TBXAS1: variants seen among roughly 807,000 people sequenced by gnomAD.
TBXAS1 encodes the protein thromboxane-A synthase.
TBXAS1 carries 48 observed loss-of-function variants against 60.7 expected under a neutral mutation model. That is an observed-to-expected ratio of 0.79 (90% CI 0.63 to 1.01). The LOEUF (loss-of-function observed/expected upper bound fraction) is 1.01, where lower values mean the gene tolerates loss of function less well. Ranked by LOEUF, TBXAS1 falls within the 50% of genes least tolerant of loss-of-function variation. The pLI, the probability that TBXAS1 is intolerant of heterozygous loss-of-function variation, is 0.00. For missense variants in TBXAS1, 685 were observed against 686.3 expected, an observed-to-expected ratio of 1.00 and a Z score of 0.02; for synonymous variants, 287 against 269.7, an observed-to-expected ratio of 1.06 and a Z score of -0.63.
intron 11 of TBXAS1, chr7:140,016,909 C>T (rs1204605473): frequency 6.6e-6 from 1 of 152,508 alleles, no homozygotes; most frequent in Non-Finnish European, 1.5e-5. Context: ...GTCAGCAGCT[C>T]CTGAACGTGC....
intron 4 of TBXAS1, among the ~76,000 whole-genome samples, chr7:139,823,249 G>A: frequency 6.6e-6 from 1 of 151,964 alleles, no homozygotes; most frequent in East Asian, 1.9e-4. Context: ...ACGGAACTTA[G>A]GTGATTATAT....
At chr7:139,849,752 G>A (rs566453482) in intron 1 of TBXAS1, among the ~76,000 whole-genome samples, 3 of 152,334 alleles carry the variant, frequency 2.0e-5, no homozygotes, top group South Asian at 4.1e-4. Context: ...GGGGAGGCAT[G>A]TCTGAAGTTC....
At chr7:140,008,731 G>A (rs963179187) in intron 10 of TBXAS1, among the ~76,000 whole-genome samples, 2 of 152,180 alleles carry the variant, frequency 1.3e-5, no homozygotes, top group East Asian at 3.8e-4. Context: ...TTACAGGCGT[G>A]AGCCACCAAT....
At position 139,984,632 on chromosome 7, in the gene TBXAS1, GAGAGAGAGAGAA is replaced by G. The variant is rs1164202813; in HGVS notation, c.1134+22403_1134+22414del. 2.9e-4 allele frequency among the ~76,000 whole-genome samples: 14 copies of G among 48,776 alleles called. 1 individual carries two copies. Among genetic ancestry groups the G allele is most frequent in the East Asian group, 1.1e-3 (1 of 902 alleles). 32.0% of individuals were successfully genotyped at this position (48,776 alleles called of 152,430 possible). A position where few individuals can be genotyped will look rare whatever the true frequency, so the allele number is the denominator to read the frequency against. ...AGAAAGAAAGAGAGAGAGAGAGAGA[GAGAGAGAGAGAA>G]AGAAAGAAAGGGAAGGGGGAAAGAA... is the stretch of plus-strand genomic sequence containing the variant. On this transcript the variant is annotated intron_variant, in intron 9 of 12. Transcript: ENST00000448866.
intron 11 of TBXAS1, chr7:140,016,462 T>C (rs1274361249): frequency 7.4e-6 from 2 of 269,562 alleles, no homozygotes; most frequent in Admixed American, 5.1e-5. Context: ...TTTCAAATGA[T>C]TGTCTTCCAT....
intron 1 of TBXAS1, among the ~76,000 whole-genome samples, chr7:139,862,857 T>C (rs750481768): frequency 6.6e-6 from 1 of 152,236 alleles, no homozygotes; most frequent in African/African-American, 2.4e-5. Context: ...CCTGCCTTTG[T>C]TCTCAGCATA....
intron 3 of TBXAS1, among the ~76,000 whole-genome samples, chr7:139,897,530 T>G (rs1804207482): frequency 6.6e-6 from 1 of 152,048 alleles, no homozygotes; most frequent in Non-Finnish European, 1.5e-5. Context: ...TAAGTGGAGT[T>G]GGGGCCCACA....
intron 4 of TBXAS1, among the ~76,000 whole-genome samples, chr7:139,790,931 T>C (rs1285645131): frequency 6.6e-6 from 1 of 152,100 alleles, no homozygotes; most frequent in Non-Finnish European, 1.5e-5. Flanking sequence ...GCCTCCTGAG[T>C]AGCTGGGACT....
intron 9 of TBXAS1, among the ~76,000 whole-genome samples, chr7:139,984,051 G>A (rs1812153378): frequency 6.6e-6 from 1 of 152,190 alleles, no homozygotes; most frequent in Non-Finnish European, 1.5e-5. Context: ...CTGTGATGAA[G>A]TAGGATGAAG....
At chr7:139,957,804 GA>G (rs1379683981) in intron 8 of TBXAS1, 40 bp downstream of exon 8, 2 of 1,613,156 alleles carry the variant, frequency 1.2e-6, no homozygotes, top group African/African-American at 1.3e-5. Flanking sequence ...AAATGGAATG[GA>G]GCCGACTTTG....
upstream of TBXAS1, among the ~76,000 whole-genome samples, chr7:139,825,270 A>G (rs1798409077): frequency 6.6e-6 from 1 of 152,144 alleles, no homozygotes; most frequent in Non-Finnish European, 1.5e-5. Context: ...ACAGGTACCA[A>G]AATTGTAATA....
intron 10 of TBXAS1, 112 bp from the exon 11 acceptor site, chr7:140,015,611 A>T: frequency 7.8e-7 from 1 of 1,280,406 alleles, no homozygotes; most frequent in Non-Finnish European, 1.1e-6. Flanking sequence ...TCCACACACC[A>T]TGCTGCCTGC....
Position 140,008,174 on chromosome 7 carries a change from C to T in TBXAS1, c.1226+992C>T, listed in dbSNP as rs534237537. Among the ~76,000 whole-genome samples, 51 of 152,298 alleles carry T rather than the reference C, an allele frequency of 3.3e-4. 1 individual carries two copies. The highest frequency in any genetic ancestry group is 8.9e-4 in the African/African-American group (37 of 41,552). ...TGGATGATTTGAGGGTATCTCAAAA[C>T]GATATTTCAACACAAAAGCATTACA... On this transcript the variant is annotated intron_variant, in intron 10 of 12. Coordinates refer to ENST00000448866, the MANE Select transcript of TBXAS1 (RefSeq NM_001061.7).
intron 7 of TBXAS1, 148 bp downstream of exon 7, chr7:139,955,755 C>A: frequency 1.7e-6 from 2 of 1,194,002 alleles, no homozygotes; most frequent in Non-Finnish European, 2.4e-6. Flanking sequence ...TCTTATGGAG[C>A]CACCGGGTTC....
In TBXAS1 at chr7:140,007,093, G is replaced by A. The variant is rs536936578; in HGVS notation, c.1137G>A (p.Met379Ile). The A allele has an allele frequency of 6.2e-7, 1 of 1,614,076 alleles. No individual in the cohort carries two copies. Among genetic ancestry groups the A allele is most frequent in the East Asian group, 2.2e-5 (1 of 44,884 alleles). ...CTTTGTCACGACCCCTCCATCAGAT[G>A]GCCCCTGAGTTCTGCAGCCTCGAGG... ...REVDVFKEKH[M>I]APEFCSLEEG... Residue 379 changes from methionine (M) to isoleucine (I), a missense_variant and splice_region_variant, in exon 10 of 13, where the codon ATG (methionine) becomes ATA (isoleucine). Transcript: ENST00000448866.
intron 9 of TBXAS1, among the ~76,000 whole-genome samples, chr7:139,984,068 G>A (rs1033132656): frequency 6.6e-6 from 1 of 152,206 alleles, no homozygotes; most frequent in African/African-American, 2.4e-5. Flanking sequence ...GAAGATGGCT[G>A]AGGGTATGGA....
Position 139,855,163 on chromosome 7 carries a change from C to T in TBXAS1, c.90-17072C>T, listed in dbSNP as rs1386816597. Among the ~76,000 whole-genome samples the T allele has an allele frequency of 3.9e-5, 6 of 152,160 alleles. No individual in the cohort carries two copies. In the East Asian group the frequency reaches 7.7e-4, roughly 20 times the overall value. ...AGAAGGCCCTCACCAGATGCAACTC[C>T]TTAACCTTGGACTTCTCAGCTTCCA... On this transcript the variant is annotated intron_variant, in intron 1 of 12. Coordinates refer to ENST00000448866, the MANE Select transcript of TBXAS1 (RefSeq NM_001061.7).
intron 4 of TBXAS1, among the ~76,000 whole-genome samples, chr7:139,812,124 G>A (rs1337570728): frequency 6.6e-6 from 1 of 152,208 alleles, no homozygotes; most frequent in African/African-American, 2.4e-5. Context: ...TCCTTGAAAA[G>A]CAGCAGTATA....
intron 4 of TBXAS1, among the ~76,000 whole-genome samples, chr7:139,823,413 T>G (rs1217606296): frequency 6.6e-6 from 1 of 151,954 alleles, no homozygotes; most frequent in Non-Finnish European, 1.5e-5. Flanking sequence ...CCTAACCTGA[T>G]CTCCCGCTCT....
Sources: allele counts gnomAD v4.1 joint callset (sites outside exome capture counted in the v4.1 genomes callset), GRCh38; gene constraint gnomAD v4.1.1; transcripts MANE v1.5; gene names NCBI Gene and HGNC (gene_info 2026-07-23, HGNC 2026-07-21).